Variants in CASD1 observed in about 807,000 individuals in gnomAD.
CASD1 encodes CAS1 domain sialic acid O acetyltransferase 1, also known as N-acetylneuraminate (7)9-O-acetyltransferase.
A neutral mutation model predicts 100.0 loss-of-function variants in CASD1; 41 were observed. The observed-to-expected ratio is 0.41, with a 90% confidence interval of 0.32 to 0.53. The LOEUF is 0.53. Ranked by LOEUF, CASD1 falls within the 20% of genes least tolerant of loss-of-function variation. The pLI is 0.25. For synonymous variants in CASD1, 321 were observed against 315.6 expected (o/e 1.02, Z -0.18); for missense variants, 774 against 948.7 (o/e 0.82, Z 2.42).
the CASD1 span, among the ~76,000 whole-genome samples, chr7:94,562,116 T>C: frequency 6.6e-6 from 1 of 152,188 alleles, no homozygotes; most frequent in Non-Finnish European, 1.5e-5. Context: ...TTTGCACCTC[T>C]TGTAAACAGT....
At position 94,537,860 on chromosome 7, in the gene CASD1, T is replaced by C; in HGVS notation, c.1232T>C (p.Val411Ala). 6.4e-7 allele frequency: 1 copy of C among 1,555,050 alleles called. No homozygotes were observed. Among genetic ancestry groups the C allele is most frequent in the Non-Finnish European group, 8.9e-7 (1 of 1,127,830 alleles). Reference sequence around the variant, plus strand: ...TTTATTCCAATTATCTACATTTTGGTTTTGGGAGTATTTTATAATGAAAAT... The same window carrying C: ...TTTATTCCAATTATCTACATTTTGGCTTTGGGAGTATTTTATAATGAAAAT... Reference protein sequence around the residue: ...SFFIPIIYILVLGVFYNENTK... With the variant: ...SFFIPIIYILALGVFYNENTK... The change falls in exon 9 of 18, where the codon GTT becomes GCT. Residue 411 changes from valine to alanine, a missense_variant. By Grantham distance (64) the Val-to-Ala change is moderately conservative. Transcript: ENST00000297273.
At chr7:94,604,849 ATATATATAT>A in the CASD1 span, among the ~76,000 whole-genome samples, 12 of 88,324 alleles carry the variant, frequency 1.4e-4, no homozygotes, top group South Asian at 8.6e-4. Flanking sequence ...ATATATATAT[ATATATATAT>A]AATAGTTGTT....
chr7:94,552,138 G>C (rs1044526169), intron 15 of CASD1: 1 of 503,630 alleles, frequency 2.0e-6, no homozygotes, highest in Non-Finnish European at 3.4e-6. Context: ...GCACAGACTT[G>C]TGCACCTCCC....
Position 94,541,026 on chromosome 7 carries a change from T to C in CASD1, c.1356+1970T>C, listed in dbSNP as rs145141883. Among the ~76,000 whole-genome samples the C allele has an allele frequency of 1.2e-3, 183 of 152,202 alleles. 1 individual carries two copies. Among genetic ancestry groups the C allele is most frequent in the African/African-American group, 4.3e-3 (179 of 41,564 alleles). On this transcript the variant is annotated intron_variant, in intron 10 of 17. Transcript: ENST00000297273. ...CCTAACATTCTAATATATCTTCTTA[T>C]ACTGCATCCTAATATATTCTAATTT...
intron 16 of CASD1, chr7:94,553,099 G>T: frequency 2.2e-6 from 1 of 445,204 alleles, no homozygotes; most frequent in South Asian, 1.7e-5. Context: ...TCATTAAATG[G>T]TTTTATGTTT....
rs202214737 is a variant in CASD1, at chr7:94,545,498, G to A, written c.1477-47G>A. The A allele has an allele frequency of 2.8e-5, 41 of 1,489,424 alleles. No individual in the cohort carries two copies. In the African/African-American group the frequency reaches 4.4e-4, roughly 16 times the overall value. The allele number at this position is 1,489,424 out of a possible 1,614,324, so 92.3% of individuals were successfully genotyped here. On this transcript the variant is annotated intron_variant, in intron 11 of 17. Transcript: ENST00000297273. ...TTTGCTGTTCGTGTGTACCTAGAAT[G>A]AAAACAATTACTTAGAATGAAACCA...
chr7:94,515,255 T>A (rs1428641407), intron 1 of CASD1, among the ~76,000 whole-genome samples: 1 of 152,116 alleles, frequency 6.6e-6, no homozygotes, highest in African/African-American at 2.4e-5. Context: ...GATACAAGCC[T>A]TGTAAAAAAC....
Position 94,509,831 on chromosome 7 carries a change from G to A in CASD1, c.-254G>A, listed in dbSNP as rs989422766. The A allele has an allele frequency of 1.0e-5, 10 of 1,002,028 alleles. No homozygotes were observed. Among genetic ancestry groups the A allele is most frequent in the African/African-American group, 5.2e-5 (3 of 57,578 alleles). The allele number at this position is 1,002,028 out of a possible 1,614,324, so 62.1% of individuals were successfully genotyped here. The stretch of plus-strand genomic sequence containing the variant: ...GAGGAGACAGGCGTCCAGGGCGCCT[G>A]GGGAACCGGCACGGCGGAGCAGCGG... On this transcript the variant is annotated 5_prime_UTR_variant, in exon 1 of 18. Transcript: ENST00000297273.
At chr7:94,532,566 A>G (rs1035877224) in intron 5 of CASD1, among the ~76,000 whole-genome samples, 2 of 152,148 alleles carry the variant, frequency 1.3e-5, no homozygotes, top group Non-Finnish European at 2.9e-5. Flanking sequence ...CTTAGGAATT[A>G]TTTATTTCTG....
chr7:94,514,493 T>C (rs1386157371), intron 1 of CASD1, among the ~76,000 whole-genome samples: 1 of 152,210 alleles, frequency 6.6e-6, no homozygotes, highest in East Asian at 1.9e-4. Context: ...AGGTGCAGTG[T>C]GCCAGAGATA....
chr7:94,579,647 G>A, the CASD1 span, among the ~76,000 whole-genome samples: 3 of 152,006 alleles, frequency 2.0e-5, no homozygotes, highest in South Asian at 2.1e-4. Flanking sequence ...TTTGCTATTG[G>A]AGAAATAATT....
At chr7:94,613,618 C>A in the CASD1 span, among the ~76,000 whole-genome samples, 36 of 152,164 alleles carry the variant, frequency 2.4e-4, no homozygotes, top group Admixed American at 5.2e-4. Flanking sequence ...TTATTGAGGC[C>A]TTTACATTTA....
chr7:94,618,799 C>T, the CASD1 span: 1 of 1,614,022 alleles, frequency 6.2e-7, no homozygotes, highest in Admixed American at 1.7e-5. Flanking sequence ...CCCTGCCACC[C>T]CTGTCTAGGG....
At chr7:94,550,917 T>G (rs1795916267) in intron 14 of CASD1, among the ~76,000 whole-genome samples, 1 of 152,188 alleles carries the variant, frequency 6.6e-6, no homozygotes, top group African/African-American at 2.4e-5. Flanking sequence ...GAGCGTACAC[T>G]TCTTTTCAGA....
the CASD1 span, chr7:94,618,802 G>A: frequency 6.2e-7 from 1 of 1,613,946 alleles, no homozygotes; most frequent in Admixed American, 1.7e-5. Context: ...TGCCACCCCT[G>A]TCTAGGGCCG....
the CASD1 span, chr7:94,628,137 T>TAC: frequency 0.3 from 299,014 of 984,218 alleles, 16,946 homozygotes; most frequent in Admixed American, 0.33. Context: ...CAAATTACAA[T>TAC]ACACACACAC....
chr7:94,540,311 A>G (rs1795334380), intron 10 of CASD1, among the ~76,000 whole-genome samples: 1 of 152,208 alleles, frequency 6.6e-6, no homozygotes, highest in South Asian at 2.1e-4. Flanking sequence ...ACGTGCATCA[A>G]TGATAAGTTG....
At chr7:94,633,187 A>G in the CASD1 span, among the ~76,000 whole-genome samples, 2 of 152,010 alleles carry the variant, frequency 1.3e-5, no homozygotes, top group Non-Finnish European at 2.9e-5. Flanking sequence ...GCCACTAGAT[A>G]TAAATGAAAC....
the CASD1 span, chr7:94,626,492 A>G: frequency 2.0e-5 from 3 of 152,004 alleles, no homozygotes; most frequent in African/African-American, 4.8e-5. Context: ...TTTTGTTGCT[A>G]TTAACAATGG....
Sources: allele counts gnomAD v4.1 joint callset (sites outside exome capture counted in the v4.1 genomes callset), GRCh38; gene constraint gnomAD v4.1.1; transcripts MANE v1.5; gene names NCBI Gene and HGNC (gene_info 2026-07-23, HGNC 2026-07-21).